Variants in SRC observed in about 807,000 individuals in gnomAD.
The protein encoded by SRC is SRC proto-oncogene, non-receptor tyrosine kinase.
SRC carries 13 observed loss-of-function variants against 62.9 expected under a neutral mutation model. That is an observed-to-expected ratio of 0.21 (90% confidence interval 0.13 to 0.33). The LOEUF is 0.33. SRC is among the 10% of genes least tolerant of loss of function. The pLI is 1.00. For synonymous variants in SRC, 302 were observed against 317.5 expected (o/e 0.95, Z 0.52); for missense variants, 457 against 737.3 (o/e 0.62, Z 4.40).
intron 2 of SRC, among the ~76,000 whole-genome samples, chr20:37,373,081 T>C (rs112883927): frequency 0.057 from 8,611 of 151,134 alleles, 303 homozygotes; most frequent in Middle Eastern, 0.062. Flanking sequence ...CACACATATA[T>C]ACATATATAA....
At chr20:37,354,598 G>A (rs1193968272) in intron 1 of SRC, among the ~76,000 whole-genome samples, 1 of 152,208 alleles carries the variant, frequency 6.6e-6, no homozygotes, top group East Asian at 1.9e-4. Flanking sequence ...GCAGGGGCAG[G>A]GGCCGGGGAG....
At chr20:37,364,051 GC>G (rs1300786926) in intron 1 of SRC, among the ~76,000 whole-genome samples, 1 of 151,956 alleles carries the variant, frequency 6.6e-6, no homozygotes, top group Non-Finnish European at 1.5e-5. Context: ...GCTCTTCCCT[GC>G]CCCGCCTCCC....
At chr20:37,360,218 CTTTT>C (rs61476973) in intron 1 of SRC, among the ~76,000 whole-genome samples, 4 of 105,632 alleles carry the variant, frequency 3.8e-5, no homozygotes, top group African/African-American at 1.4e-4. Context: ...CTCTCTCTCT[CTTTT>C]TTTTTTTTTT....
intron 2 of SRC, among the ~76,000 whole-genome samples, chr20:37,371,036 T>C (rs1482812920): frequency 6.6e-6 from 1 of 151,280 alleles, no homozygotes; most frequent in Non-Finnish European, 1.5e-5. Context: ...TTGCCCACGC[T>C]GGAGTGCAAT....
At chr20:37,387,087 G>A (rs1244231079) in intron 5 of SRC, among the ~76,000 whole-genome samples, 1 of 152,228 alleles carries the variant, frequency 6.6e-6, no homozygotes, top group Non-Finnish European at 1.5e-5. Flanking sequence ...TGGAAGGCAG[G>A]AAGGTTCTAG....
Position 37,403,684 on chromosome 20 carries a change from T to TGGGGCC in SRC, c.*311_*316dup. ...CTGGAAGAGGAACCAGGAGAAGGGCTGGGGCCGGGGCTGAGGGTGCCCTTT... is the reference window on the plus strand; with the variant it reads ...CTGGAAGAGGAACCAGGAGAAGGGCTGGGGCCGGGGCCGGGGCTGAGGGTGCCCTTT... On this transcript the variant is annotated 3_prime_UTR_variant, in exon 14 of 14. Coordinates refer to ENST00000373578, the MANE Select transcript of SRC (RefSeq NM_198291.3). This position sits in a 1 kb window ranked among gnomAD's most constrained non-coding sequence, Gnocchi z 7.1. The TGGGGCC allele has an allele frequency of 2.3e-6, 1 of 442,942 alleles. No homozygotes were observed. The highest frequency in any genetic ancestry group is 4.1e-6 in the Non-Finnish European group (1 of 241,978). The allele number at this position is 442,942 out of a possible 1,614,324, so 27.4% of individuals were successfully genotyped here.
At chr20:37,366,650 C>T (rs1404077810) in intron 2 of SRC, among the ~76,000 whole-genome samples, 3 of 152,158 alleles carry the variant, frequency 2.0e-5, no homozygotes, top group Admixed American at 1.3e-4. Flanking sequence ...TTGTGGCTGG[C>T]TTCTTTCACT....
At chr20:37,368,078 G>A (rs1297113718) in intron 2 of SRC, among the ~76,000 whole-genome samples, 1 of 152,174 alleles carries the variant, frequency 6.6e-6, no homozygotes, top group Non-Finnish European at 1.5e-5. Context: ...ATGAAGTGCA[G>A]TTTATTTTTC....
At position 37,397,057 on chromosome 20, in the gene SRC, T is replaced by G. The variant is rs980077433; in HGVS notation, c.704-642T>G. 6.6e-6 allele frequency among the ~76,000 whole-genome samples: 1 copy of G among 152,114 alleles called. No individual in the cohort carries two copies. On this transcript the variant is annotated intron_variant, in intron 8 of 13. Transcript: ENST00000373578. The surrounding 1 kb of genome is among the most constrained non-coding windows in gnomAD (Gnocchi z 4.1). ...AGATCAGAACTCTCCAGGGGCTGTC[T>G]TGGAATCTTGGGATAAAGACCCCCA...
intron 2 of SRC, among the ~76,000 whole-genome samples, chr20:37,375,974 C>T (rs1399197391): frequency 2.6e-5 from 4 of 152,170 alleles, no homozygotes; most frequent in Non-Finnish European, 4.4e-5. Context: ...GCACTAATCC[C>T]GTCATAAGGA....
chr20:37,370,490 G>A (rs1375827982), intron 2 of SRC, among the ~76,000 whole-genome samples: 2 of 152,168 alleles, frequency 1.3e-5, no homozygotes, highest in African/African-American at 2.4e-5. Flanking sequence ...AACAAGAATC[G>A]CTTGAACCCA....
intron 1 of SRC, among the ~76,000 whole-genome samples, chr20:37,352,598 C>G (rs568289136): frequency 4.2e-4 from 64 of 152,312 alleles, no homozygotes; most frequent in African/African-American, 1.4e-3. Flanking sequence ...GAATGGGCCC[C>G]TCTCTTCAAA....
chr20:37,386,590 C>T (rs2070459242), intron 5 of SRC: 1 of 679,806 alleles, frequency 1.5e-6, no homozygotes. Context: ...CTCTTGGCTG[C>T]TCCTCACCTC....
chr20:37,384,376 T>C lies in SRC; in HGVS notation c.223T>C (p.Ser75Pro), dbSNP rs1406890537. 6 of 1,453,228 alleles carry C rather than the reference T, an allele frequency of 4.1e-6. No individual in the cohort carries two copies. The highest frequency in any genetic ancestry group is 5.4e-6 in the Non-Finnish European group (6 of 1,108,070). The allele number at this position is 1,453,228 out of a possible 1,614,324, so 90.0% of individuals were successfully genotyped here. A position where few individuals can be genotyped will look rare whatever the true frequency, so the allele number is the denominator to read the frequency against. Reference protein sequence around the residue: ...GGFNSSDTVTSPQRAGPLAGG... With the variant: ...GGFNSSDTVTPPQRAGPLAGG... ...CTTCAACTCCTCGGACACCGTCACC[T>C]CCCCGCAGAGGGCGGGCCCGCTGGC... Residue 75 changes from serine to proline, a missense_variant, in exon 4 of 14, where the codon TCC (serine) becomes CCC (proline). By Grantham distance (74) the Ser-to-Pro change is moderately conservative. Transcript: ENST00000373578. This position sits in a 1 kb window ranked among gnomAD's most constrained non-coding sequence, Gnocchi z 6.7.
intron 1 of SRC, among the ~76,000 whole-genome samples, chr20:37,354,698 C>T (rs1277531285): frequency 6.6e-6 from 1 of 152,154 alleles, no homozygotes; most frequent in Non-Finnish European, 1.5e-5. Context: ...CAAGGCTGGG[C>T]CTGGTTGGGA....
At chr20:37,345,484 G>T (rs1207862851), upstream of SRC, among the ~76,000 whole-genome samples, 2 of 152,184 alleles carry the variant, frequency 1.3e-5, no homozygotes, top group Non-Finnish European at 2.9e-5. Context: ...GGCTGCCAGG[G>T]ATGTTTTGCC....
Position 37,384,316 on chromosome 20 carries a change from G to A in SRC, c.163G>A (p.Ala55Thr). 1 of 1,465,826 alleles carries A rather than the reference G, an allele frequency of 6.8e-7. No individual in the cohort carries two copies. 90.8% of individuals were successfully genotyped at this position (1,465,826 alleles called of 1,614,324 possible). ...DGHRGPSAAF[A>T]PAAAEPKLFG... ...CCACCGCGGCCCCAGCGCGGCCTTC[G>A]CCCCCGCGGCCGCCGAGCCCAAGCT... The change falls in exon 4 of 14, where the codon GCC becomes ACC. Residue 55 changes from alanine to threonine, a missense_variant. Coordinates refer to ENST00000373578, the MANE Select transcript of SRC (RefSeq NM_198291.3). This position sits in a 1 kb window ranked among gnomAD's most constrained non-coding sequence, Gnocchi z 6.7.
chr20:37,373,543 TCAAA>T (rs1193363858), intron 2 of SRC, among the ~76,000 whole-genome samples: 3 of 152,106 alleles, frequency 2.0e-5, no homozygotes, highest in Non-Finnish European at 4.4e-5. Context: ...ACTCCTGGAC[TCAAA>T]CAACCCTCCT....
In SRC at chr20:37,403,307, G is replaced by A; in HGVS notation, c.1539G>A (p.Glu513=). The part of the protein sequence containing the change: ...RKEPEERPTF[E]YLQAFLEDYF... Reference sequence around the variant, plus strand: ...AGCCTGAGGAGCGGCCCACCTTCGAGTACCTGCAGGCCTTCCTGGAGGACT... The same window carrying A: ...AGCCTGAGGAGCGGCCCACCTTCGAATACCTGCAGGCCTTCCTGGAGGACT... Residue 513 remains glutamate (E), a synonymous_variant, in exon 14 of 14, where the codon GAG becomes GAA. Transcript: ENST00000373578. This position sits in a 1 kb window ranked among gnomAD's most constrained non-coding sequence, Gnocchi z 7.1. 1 of 1,605,176 alleles carries A rather than the reference G, an allele frequency of 6.2e-7. No individual in the cohort carries two copies. Among genetic ancestry groups the A allele is most frequent in the Non-Finnish European group, 8.5e-7 (1 of 1,176,514 alleles).
Sources: allele counts gnomAD v4.1 joint callset (sites outside exome capture counted in the v4.1 genomes callset), GRCh38; gene constraint gnomAD v4.1.1; non-coding constraint Gnocchi (gnomAD v3.1); transcripts MANE v1.5; gene names NCBI Gene and HGNC (gene_info 2026-07-23, HGNC 2026-07-21).